The following CD276 variants were observed in gnomAD, a reference collection of about 807,000 sequenced individuals.
CD276 encodes CD276 antigen.
Under a neutral mutation model 50.0 loss-of-function variants are expected in CD276, and 34 were observed. That is an observed-to-expected ratio of 0.68 (90% CI 0.52 to 0.91). The LOEUF (loss-of-function observed/expected upper bound fraction) is 0.91. Among genes scored for constraint, CD276 ranks in the 40% least tolerant of loss-of-function variants. The probability of loss-of-function intolerance (pLI) is 0.00; values close to 1 mark genes in which losing one functional copy is unlikely to be tolerated. For synonymous variants in CD276, 275 were observed against 313.0 expected, an observed-to-expected ratio of 0.88 and a Z score of 1.28; for missense variants, 634 against 717.5, an observed-to-expected ratio of 0.88 and a Z score of 1.33.
chr15:73,698,632 C>A (rs953593237), intron 1 of CD276, among the ~76,000 whole-genome samples: 2 of 152,166 alleles, frequency 1.3e-5, no homozygotes, highest in African/African-American at 4.8e-5. Context: ...GCAATCTTGG[C>A]TTACTGCAAC....
At chr15:73,705,189 C>A (rs557365650) in intron 6 of CD276, among the ~76,000 whole-genome samples, 1 of 152,306 alleles carries the variant, frequency 6.6e-6, no homozygotes, top group East Asian at 1.9e-4. Context: ...CAGTCTGGCT[C>A]TTCAGTATCT....
At chr15:73,685,863 C>T (rs1274673512) in intron 1 of CD276, among the ~76,000 whole-genome samples, 1 of 152,052 alleles carries the variant, frequency 6.6e-6, no homozygotes, top group Non-Finnish European at 1.5e-5. Context: ...GATCTGAGTG[C>T]AGGGCAGGAT....
In CD276 at chr15:73,684,464, A is replaced by C. The variant is rs1899655575; in HGVS notation, c.-55+4A>C. 1 of 151,766 alleles carries C rather than the reference A, an allele frequency of 6.6e-6. No homozygotes were observed. The highest frequency in any genetic ancestry group is 2.0e-4 in the South Asian group (1 of 5,012). The allele number at this position is 151,766 out of a possible 1,614,324, so 9.4% of individuals were successfully genotyped here. A position where few individuals can be genotyped will look rare whatever the true frequency, so the allele number is the denominator to read the frequency against. On this transcript the variant is annotated splice_donor_region_variant and intron_variant, in intron 1 of 9. Transcript: ENST00000318443. ...GTCCCAGAGTCGGCGCGGCGCGGTG[A>C]GTGCTGGCGTGGCGCGGGCGGCGCG...
chr15:73,707,200 G>A (rs1334395578), intron 6 of CD276, among the ~76,000 whole-genome samples: 2 of 152,216 alleles, frequency 1.3e-5, no homozygotes, highest in South Asian at 2.1e-4. Context: ...GCACTGACAG[G>A]GCCTCCTGCA....
At chr15:73,706,315 G>A (rs1900650011) in intron 6 of CD276, among the ~76,000 whole-genome samples, 1 of 152,222 alleles carries the variant, frequency 6.6e-6, no homozygotes, top group Admixed American at 6.5e-5. Context: ...ACATTTCACA[G>A]ACGAAGAAAC....
intron 1 of CD276, among the ~76,000 whole-genome samples, chr15:73,696,314 G>T (rs1228253081): frequency 6.6e-6 from 1 of 152,080 alleles, no homozygotes; most frequent in Non-Finnish European, 1.5e-5. Flanking sequence ...GGCCTGCGTG[G>T]CTCCACGTGG....
chr15:73,709,107 C>T (rs1900776566), intron 7 of CD276, among the ~76,000 whole-genome samples: 1 of 152,020 alleles, frequency 6.6e-6, no homozygotes, highest in African/African-American at 2.4e-5. Context: ...TAGGTGAGTA[C>T]TTGTGAGGTA....
chr15:73,707,552 A>G (rs368759896), intron 6 of CD276, among the ~76,000 whole-genome samples: 2 of 152,150 alleles, frequency 1.3e-5, no homozygotes, highest in South Asian at 2.1e-4. Context: ...CAGTGACCTC[A>G]TCTGTATGTA....
intron 1 of CD276, among the ~76,000 whole-genome samples, chr15:73,696,321 G>T (rs920899711): frequency 6.6e-6 from 1 of 152,126 alleles, no homozygotes; most frequent in African/African-American, 2.4e-5. Context: ...GTGGCTCCAC[G>T]TGGCTCTGGG....
chr15:73,710,716 G>C (rs999864427), intron 8 of CD276, among the ~76,000 whole-genome samples: 1 of 152,222 alleles, frequency 6.6e-6, no homozygotes, highest in African/African-American at 2.4e-5. Flanking sequence ...GTTGGCAGAA[G>C]GGAGGGAGTG....
intron 1 of CD276, among the ~76,000 whole-genome samples, chr15:73,685,805 G>A (rs1427564608): frequency 6.6e-6 from 1 of 152,146 alleles, no homozygotes; most frequent in Non-Finnish European, 1.5e-5. Context: ...AGGCTGAGGG[G>A]AACTGAAGTC....
rs1380676977 is a variant in CD276 at position 73,703,703 on chromosome 15, G to C, written c.778G>C (p.Val260Leu). Residue 260 changes from valine (V) to leucine (L), a missense_variant, in exon 5 of 10, where the codon GTG (valine) becomes CTG (leucine). Transcript: ENST00000318443. ...CCCTGAGGACCCGGTGGTGGCCCTA[G>C]TGGGCACCGATGCCACCCTGCGCTG... is the stretch of plus-strand genomic sequence containing the variant. ...QVPEDPVVAL[V>L]GTDATLRCSF... 6.2e-7 allele frequency: 1 copy of C among 1,612,924 alleles called. No homozygotes were observed. Among genetic ancestry groups the C allele is most frequent in the African/African-American group, 1.3e-5 (1 of 74,860 alleles).
At position 73,713,048 on chromosome 15, in the gene CD276, C is replaced by A. The variant is rs1233995393; in HGVS notation, c.*92C>A. 8 of 1,190,652 alleles carry A rather than the reference C, an allele frequency of 6.7e-6. No individual in the cohort carries two copies. The East Asian group carries it at 1.7e-4, about 25-fold the overall frequency. The allele number at this position is 1,190,652 out of a possible 1,614,324, so 73.8% of individuals were successfully genotyped here. On this transcript the variant is annotated 3_prime_UTR_variant, in exon 10 of 10. Transcript: ENST00000318443. ...CTGTGAGCCCTGCCCCCAACAGATGCATCCTGCTCTGACAGGTGGGCTCCT... is the reference window on the plus strand; with the variant it reads ...CTGTGAGCCCTGCCCCCAACAGATGAATCCTGCTCTGACAGGTGGGCTCCT...
At chr15:73,709,549 C>A in intron 7 of CD276, 99 bp from the exon 8 acceptor site, 1 of 1,205,582 alleles carries the variant, frequency 8.3e-7, no homozygotes, top group Non-Finnish European at 1.2e-6. Context: ...CCCACTCAGG[C>A]CCTGTTCACC....
At chr15:73,689,967 CT>C (rs1236239222) in intron 1 of CD276, among the ~76,000 whole-genome samples, 1 of 152,104 alleles carries the variant, frequency 6.6e-6, no homozygotes, top group Non-Finnish European at 1.5e-5. Flanking sequence ...TGCTGTTTTC[CT>C]TTTTTCGTTA....
chr15:73,709,691 T>G lies in CD276; in HGVS notation c.1546+2T>G, dbSNP rs774579719. On this transcript the variant is annotated splice_donor_variant, in intron 8 of 9. Transcript: ENST00000318443. LOFTEE classifies it high-confidence loss of function. ...GGGAGGGAGAAGGCTCCAAGACAGG[T>G]GAGTCTGAACTTGGAGCTGGCCCTC... 6.2e-7 allele frequency: 1 copy of G among 1,611,736 alleles called. No homozygotes were observed. The highest frequency in any genetic ancestry group is 1.3e-5 in the African/African-American group (1 of 74,840).
intron 2 of CD276, 121 bp from the exon 3 acceptor site, chr15:73,702,134 G>A (rs758810289): frequency 2.7e-6 from 2 of 737,180 alleles, no homozygotes; most frequent in Non-Finnish European, 4.3e-6. Flanking sequence ...AATTACTTTG[G>A]GTCTCAGGCC....
At chr15:73,711,787 C>G (rs1349464093) in intron 9 of CD276, 1 of 152,850 alleles carries the variant, frequency 6.5e-6, no homozygotes, top group African/African-American at 2.4e-5. Flanking sequence ...TTTGGAAATA[C>G]AGGAGATAGG....
At position 73,704,413 on chromosome 15, in the gene CD276, G is replaced by A. The variant is rs536782225; in HGVS notation, c.1310G>A (p.Ser437Asn). Reference sequence around the variant, plus strand: ...GTGCTGGGTGCGAATGGCACCTACAGCTGCCTGGTGCGCAACCCCGTGCTG... The same window carrying A: ...GTGCTGGGTGCGAATGGCACCTACAACTGCCTGGTGCGCAACCCCGTGCTG... ...RVVLGANGTYSCLVRNPVLQQ... is the reference protein window; with the variant it reads ...RVVLGANGTYNCLVRNPVLQQ... The change falls in exon 6 of 10, where the codon AGC (serine) becomes AAC (asparagine). Residue 437 changes from serine (S) to asparagine (N), a missense_variant. Ser to Asn is a conservative substitution (Grantham distance 46, BLOSUM62 1). Coordinates refer to ENST00000318443, the MANE Select transcript of CD276 (RefSeq NM_001024736.2). The surrounding 1 kb of genome is among the most constrained non-coding windows in gnomAD (Gnocchi z 4.1). 1 of 1,614,042 alleles carries A rather than the reference G, an allele frequency of 6.2e-7. No homozygotes were observed. The highest frequency in any genetic ancestry group is 1.1e-5 in the South Asian group (1 of 91,080).
Sources: gnomAD v4.1 joint callset for allele counts (sites outside exome capture counted in the v4.1 genomes callset) on GRCh38, gnomAD v4.1.1 for gene constraint, Gnocchi (gnomAD v3.1) non-coding constraint, MANE v1.5 for transcripts, NCBI Gene and HGNC (gene_info 2026-07-23, HGNC 2026-07-21) for gene names.